THY1: variants seen among roughly 807,000 people sequenced by gnomAD.
THY1 encodes thy-1 membrane glycoprotein.
In THY1, 10 loss-of-function variants were observed where a neutral mutation model predicts 14.9. The observed-to-expected ratio is 0.67, with a 90% confidence interval of 0.41 to 1.14. The LOEUF is 1.14. Among genes scored for constraint, THY1 ranks in the 50% most tolerant of loss-of-function variants. The pLI, the probability that THY1 is intolerant of heterozygous loss-of-function variation, is 0.00. For missense variants in THY1, 159 were observed against 202.1 expected, an observed-to-expected ratio of 0.79 and a Z score of 1.29; for synonymous variants, 80 against 90.0, an observed-to-expected ratio of 0.89 and a Z score of 0.63.
chr11:119,420,086 G>T lies in THY1; in HGVS notation c.338C>A (p.Pro113Gln). ...TGTGACGTTCTGGGAGGAGATGGGTGGGGAATGGCCAGAGTGGTGGAGTGC... is the reference window on the plus strand; with the variant it reads ...TGTGACGTTCTGGGAGGAGATGGGTTGGGAATGGCCAGAGTGGTGGAGTGC... ...TCALHHSGHS[P>Q]PISSQNVTVL... The change falls in exon 3 of 4, where the codon CCA (proline) becomes CAA (glutamine). Residue 113 changes from proline to glutamine, a missense_variant. Physicochemically the swap from Pro to Gln is moderately conservative, Grantham distance 76. Transcript: ENST00000284240. The T allele has an allele frequency of 6.2e-7, 1 of 1,614,146 alleles. No individual in the cohort carries two copies. Among genetic ancestry groups the T allele is most frequent in the Non-Finnish European group, 8.5e-7 (1 of 1,179,982 alleles).
At position 119,419,452 on chromosome 11, in the gene THY1, G is replaced by A; in HGVS notation, c.442C>T (p.Leu148Phe). 6.2e-7 allele frequency: 1 copy of A among 1,613,986 alleles called. No homozygotes were observed. Among genetic ancestry groups the A allele is most frequent in the Non-Finnish European group, 8.5e-7 (1 of 1,180,030 alleles). The change falls in exon 4 of 4, where the codon CTC (leucine) becomes TTC (phenylalanine). Residue 148 changes from leucine to phenylalanine, a missense_variant. By Grantham distance (22) the Leu-to-Phe change is conservative (BLOSUM62 0). Transcript: ENST00000284240. ...QNTSWLLLLL[L>F]SLSLLQATDF... Reference sequence around the variant, plus strand: ...GTGGCCTGGAGGAGGGAGAGGGAGAGCAGGAGCAGCAGCAGCCACGAGGTG... The same window carrying A: ...GTGGCCTGGAGGAGGGAGAGGGAGAACAGGAGCAGCAGCAGCCACGAGGTG...
Position 119,419,326 on chromosome 11 carries a change from G to C in THY1, c.*82C>G, listed in dbSNP as rs1252200899. On this transcript the variant is annotated 3_prime_UTR_variant, in exon 4 of 4. Transcript: ENST00000284240. ...TCTCCTCAAGGTTTGAGGGATTGGGGGGAGGGGGTCAGCTGACTCAGAGAA... is the reference window on the plus strand; with the variant it reads ...TCTCCTCAAGGTTTGAGGGATTGGGCGGAGGGGGTCAGCTGACTCAGAGAA... 4 of 1,266,304 alleles carry C rather than the reference G, an allele frequency of 3.2e-6. No homozygotes were observed. The highest frequency in any genetic ancestry group is 3.0e-5 in the African/African-American group (2 of 67,666). 78.4% of individuals were successfully genotyped at this position (1,266,304 alleles called of 1,614,324 possible).
At position 119,420,937 on chromosome 11, in the gene THY1, G is replaced by A; in HGVS notation, c.-24-8C>T. 1.9e-6 allele frequency: 3 copies of A among 1,614,038 alleles called. No individual in the cohort carries two copies. The highest frequency in any genetic ancestry group is 2.5e-6 in the Non-Finnish European group (3 of 1,179,940). ...GGGATCTCAGTCCTGGATCTGGGGT[G>A]GGAACAGGATGGGAATCAGCCAAGC... On this transcript the variant is annotated splice_region_variant and splice_polypyrimidine_tract_variant and intron_variant, in intron 1 of 3. Transcript: ENST00000284240.
In THY1 at chr11:119,416,747, G is replaced by A. The variant is rs1053469849; in HGVS notation, c.*2661C>T. On this transcript the variant is annotated 3_prime_UTR_variant, in exon 4 of 4. Transcript: ENST00000284240. ...GGTGGGATTACAGGCATGAGCCACT[G>A]TGCCCATCTCTGGGTAGGTTTGCGT... Among the ~76,000 whole-genome samples, 9 of 152,216 alleles carry A rather than the reference G, an allele frequency of 5.9e-5. No homozygotes were observed. The highest frequency in any genetic ancestry group is 4.6e-4 in the Admixed American group (7 of 15,290).
rs762830336 is a variant in THY1 at position 119,420,366 on chromosome 11, G to C, written c.58C>G (p.Gln20Glu). Residue 20 changes from glutamine (Q) to glutamate (E), a missense_variant, in exon 3 of 4, where the codon CAG (glutamine) becomes GAG (glutamate). Transcript: ENST00000284240. The stretch of plus-strand genomic sequence containing the variant: ...CAGGCCGTTAGGCTGGTCACCTTCT[G>C]CCCTCGGGAGACCTGCAAGACTGGC... ...LLTVLQVSRG[Q>E]KVTSLTACLV... The C allele has an allele frequency of 6.2e-7, 1 of 1,612,324 alleles. No individual in the cohort carries two copies. The highest frequency in any genetic ancestry group is 8.5e-7 in the Non-Finnish European group (1 of 1,179,356).
At position 119,416,193 on chromosome 11, in the gene THY1, C is replaced by A. The variant is rs533414074; in HGVS notation, c.*3215G>T. Among the ~76,000 whole-genome samples, 2 of 151,996 alleles carry A rather than the reference C, an allele frequency of 1.3e-5. No homozygotes were observed. The highest frequency in any genetic ancestry group is 4.8e-5 in the African/African-American group (2 of 41,354). On this transcript the variant is annotated 3_prime_UTR_variant, in exon 4 of 4. Coordinates refer to ENST00000284240, the MANE Select transcript of THY1 (RefSeq NM_006288.5). ...GAGAGGGGCTTCTGTTGCTCTTGAG[C>A]GGGAATTCCACGGCCCTAGGTATGG...
In THY1 at chr11:119,418,990, C is replaced by G. The variant is rs1231809519; in HGVS notation, c.*418G>C. On this transcript the variant is annotated 3_prime_UTR_variant, in exon 4 of 4. Transcript: ENST00000284240. The stretch of plus-strand genomic sequence containing the variant: ...AGGCCCAGGCACAGCCCAACCACTC[C>G]TCATCCAAGTCTCTCCCAGGTTTCT... 3.1e-6 allele frequency: 1 copy of G among 319,318 alleles called. No homozygotes were observed. Among genetic ancestry groups the G allele is most frequent in the African/African-American group, 2.2e-5 (1 of 46,222 alleles). 19.8% of individuals were successfully genotyped at this position (319,318 alleles called of 1,614,324 possible).
chr11:119,420,604 G>A, intron 2 of THY1: 1 of 629,514 alleles, frequency 1.6e-6, no homozygotes, highest in Non-Finnish European at 2.7e-6. Flanking sequence ...TTCAAGGACA[G>A]GAGATCTTAG....
chr11:119,419,928 C>T, intron 3 of THY1, 123 bp downstream of exon 3: 2 of 1,071,840 alleles, frequency 1.9e-6, no homozygotes, highest in Non-Finnish European at 2.6e-6. Context: ...GACCAGGCAG[C>T]AGTTGGGAGA....
At chr11:119,423,203 G>T (rs55933700), upstream of THY1, 9,312 of 454,620 alleles carry the variant, frequency 0.02, 143 homozygotes, top group Non-Finnish European at 0.026. Flanking sequence ...AGTTTTCACC[G>T]GGGATGGAGG....
upstream of THY1, among the ~76,000 whole-genome samples, chr11:119,424,573 C>T (rs1861981701): frequency 6.6e-6 from 1 of 152,118 alleles, no homozygotes; most frequent in Non-Finnish European, 1.5e-5. Context: ...TGGAATGAGC[C>T]TTGCAGATGG....
intron 3 of THY1, 29 bp downstream of exon 3, chr11:119,420,022 C>G: frequency 6.3e-7 from 1 of 1,592,842 alleles, no homozygotes. Context: ...TCTCCCAGCT[C>G]ACTTGACCTT....
rs773105192 is a variant in THY1 at position 119,420,279 on chromosome 11, G to A, written c.145C>T (p.Gln49Ter). 6.2e-7 allele frequency: 1 copy of A among 1,614,272 alleles called. No homozygotes were observed. Among genetic ancestry groups the A allele is most frequent in the South Asian group, 1.1e-5 (1 of 91,084 alleles). The change falls in exon 3 of 4, where the codon CAG (glutamine) becomes TAG (stop). Residue 49 changes from glutamine (Q) to a stop codon, truncating the protein, a stop_gained. Transcript: ENST00000284240. LOFTEE classifies it high-confidence loss of function. ...RHENTSSSPI[Q>*]YEFSLTRETK... is the part of the protein sequence containing the mutation. Reference sequence around the variant, plus strand: ...TCACGGGTCAGGCTGAACTCGTACTGGATGGGTGAACTGCTGGTATTCTCA... The same window carrying A: ...TCACGGGTCAGGCTGAACTCGTACTAGATGGGTGAACTGCTGGTATTCTCA...
Position 119,416,853 on chromosome 11 carries a change from A to C in THY1, c.*2555T>G, listed in dbSNP as rs542311859. Among the ~76,000 whole-genome samples, 1 of 152,138 alleles carries C rather than the reference A, an allele frequency of 6.6e-6. No homozygotes were observed. Among genetic ancestry groups the C allele is most frequent in the South Asian group, 2.1e-4 (1 of 4,802 alleles). On this transcript the variant is annotated 3_prime_UTR_variant, in exon 4 of 4. Coordinates refer to ENST00000284240, the MANE Select transcript of THY1 (RefSeq NM_006288.5). Reference sequence around the variant, plus strand: ...GGTGGCCTCTGTGGCTTCTTGAGCTAATCTCACCCACTGTGGGCCTCAGGT... The same window carrying C: ...GGTGGCCTCTGTGGCTTCTTGAGCTCATCTCACCCACTGTGGGCCTCAGGT...
In THY1 at chr11:119,415,678, A is replaced by G. The variant is rs897214464; in HGVS notation, c.*3730T>C. 6.6e-6 allele frequency among the ~76,000 whole-genome samples: 1 copy of G among 152,156 alleles called. No homozygotes were observed. Among genetic ancestry groups the G allele is most frequent in the African/African-American group, 2.4e-5 (1 of 41,446 alleles). ...CTCCATATGATGTGTCTACATCTAC[A>G]GGTCCCACTGACCCCAGCTCTTCCT... is the stretch of plus-strand genomic sequence containing the variant. On this transcript the variant is annotated 3_prime_UTR_variant, in exon 4 of 4. Coordinates refer to ENST00000284240, the MANE Select transcript of THY1 (RefSeq NM_006288.5).
At chr11:119,423,411 G>A (rs914745830), upstream of THY1, 10 of 355,116 alleles carry the variant, frequency 2.8e-5, no homozygotes, top group African/African-American at 1.9e-4. Flanking sequence ...TCGGGACCCC[G>A]GGGATCAGGG....
chr11:119,420,631 C>T, intron 2 of THY1: 1 of 635,644 alleles, frequency 1.6e-6, no homozygotes, highest in Non-Finnish European at 2.7e-6. Flanking sequence ...GATGCTGGTT[C>T]CGGGTTCTCA....
At position 119,420,238 on chromosome 11, in the gene THY1, C is replaced by T. The variant is rs749675119; in HGVS notation, c.186G>A (p.Val62=). Residue 62 remains valine (V), a synonymous_variant, in exon 3 of 4, where the codon GTG becomes GTA. Transcript: ENST00000284240. ...CAGGCACCCCCACAGTGCCAAAGAG[C>T]ACGTGCTTCTTTGTCTCACGGGTCA... is the stretch of plus-strand genomic sequence containing the variant. ...FSLTRETKKH[V]LFGTVGVPEH... is the part of the protein sequence containing the mutation. 2 of 1,614,276 alleles carry T rather than the reference C, an allele frequency of 1.2e-6. No homozygotes were observed. The highest frequency in any genetic ancestry group is 3.3e-5 in the Admixed American group (2 of 60,030).
In THY1 at chr11:119,422,025, C is replaced by T. The variant is rs544702506; in HGVS notation, c.-25+1088G>A. 1 of 152,424 alleles carries T rather than the reference C, an allele frequency of 6.6e-6. No individual in the cohort carries two copies. Among genetic ancestry groups the T allele is most frequent in the South Asian group, 2.1e-4 (1 of 4,832 alleles). 9.4% of individuals were successfully genotyped at this position (152,424 alleles called of 1,614,324 possible). The stretch of plus-strand genomic sequence containing the variant: ...AGTCTAGCCTATCTGCAGAGCAGTG[C>T]TCGCCCAGGAGAGGCCACAGAAGGG... On this transcript the variant is annotated intron_variant, in intron 1 of 3. Transcript: ENST00000284240. The surrounding 1 kb of genome is among the most constrained non-coding windows in gnomAD (Gnocchi z 7.0).
Sources: allele counts gnomAD v4.1 joint callset (sites outside exome capture counted in the v4.1 genomes callset), GRCh38; gene constraint gnomAD v4.1.1; non-coding constraint Gnocchi (gnomAD v3.1); transcripts MANE v1.5; gene names NCBI Gene and HGNC (gene_info 2026-07-23, HGNC 2026-07-21).